IL1RL2: variants seen among roughly 807,000 people sequenced by gnomAD.
The protein encoded by IL1RL2 is interleukin-1 receptor-like 2.
A neutral mutation model predicts 66.8 loss-of-function variants in IL1RL2; 68 were observed. That is an observed-to-expected ratio of 1.02 (90% confidence interval 0.84 to 1.25). IL1RL2 has a LOEUF of 1.25. Ranked by LOEUF, IL1RL2 falls within the 50% of genes most tolerant of loss-of-function variation. IL1RL2 has a pLI of 0.00. For synonymous variants in IL1RL2, 305 were observed against 264.6 expected, an observed-to-expected ratio of 1.15 and a Z score of -1.48; for missense variants, 729 against 709.3, an observed-to-expected ratio of 1.03 and a Z score of -0.32.
chr2:102,223,799 G>T (rs1348053220), intron 8 of IL1RL2, among the ~76,000 whole-genome samples: 1 of 152,168 alleles, frequency 6.6e-6, no homozygotes, highest in African/African-American at 2.4e-5. Flanking sequence ...GTCCCAAAGG[G>T]AGAGGTGGCA....
At chr2:102,235,477 G>A (rs2104900811) in intron 11 of IL1RL2, 200 bp downstream of exon 11, 2 of 985,422 alleles carry the variant, frequency 2.0e-6, no homozygotes, top group Non-Finnish European at 2.4e-6. Flanking sequence ...GGAAACACAC[G>A]GCTTCTGCAG....
At chr2:102,238,007 T>G (rs925336196) in intron 11 of IL1RL2, among the ~76,000 whole-genome samples, 1 of 152,206 alleles carries the variant, frequency 6.6e-6, no homozygotes, top group African/African-American at 2.4e-5. Flanking sequence ...GGAGCCAGTG[T>G]GCCTTCATCA....
At chr2:102,187,348 C>G (rs1686769518) in intron 1 of IL1RL2, 1 of 1,166,152 alleles carries the variant, frequency 8.6e-7, no homozygotes, top group African/African-American at 1.6e-5. Flanking sequence ...GCCAGGTAGG[C>G]CTGCCCTGGC....
intron 10 of IL1RL2, among the ~76,000 whole-genome samples, chr2:102,233,916 T>G (rs946285371): frequency 6.6e-6 from 1 of 152,160 alleles, no homozygotes; most frequent in African/African-American, 2.4e-5. Flanking sequence ...AACAAATATT[T>G]ACTGAAAACC....
At chr2:102,195,630 TC>T (rs1234087265) in intron 4 of IL1RL2, among the ~76,000 whole-genome samples, 36 of 17,564 alleles carry the variant, frequency 2.0e-3, no homozygotes, top group African/African-American at 4.3e-3. Flanking sequence ...TCTTTCTTTC[TC>T]TCTCTCTCTC....
At chr2:102,241,301 T>C (rs1675225176), downstream of IL1RL2, among the ~76,000 whole-genome samples, 1 of 152,172 alleles carries the variant, frequency 6.6e-6, no homozygotes, top group Admixed American at 6.5e-5. Context: ...CTGTTTACTA[T>C]GTGCTCGCAA....
intron 5 of IL1RL2, among the ~76,000 whole-genome samples, chr2:102,209,454 G>A (rs1688972151): frequency 6.6e-6 from 1 of 152,160 alleles, no homozygotes; most frequent in South Asian, 2.1e-4. Flanking sequence ...AGTAAAGGAG[G>A]GTGAGGAGGG....
At chr2:102,206,397 C>A (rs985180435) in intron 5 of IL1RL2, among the ~76,000 whole-genome samples, 1 of 152,120 alleles carries the variant, frequency 6.6e-6, no homozygotes, top group South Asian at 2.1e-4. Context: ...TTGGGAAGGC[C>A]TTCCAAAGGA....
rs1491213599 is a variant in IL1RL2, at chr2:102,200,116, GCA to G, written c.490-1439_490-1438del. On this transcript the variant is annotated intron_variant, in intron 4 of 11. Coordinates refer to ENST00000264257, the MANE Select transcript of IL1RL2 (RefSeq NM_003854.4). ...GCGACAGAGCTAAGACCCTGTTCCA[GCA>G]AAAAAAAAAAAAAAAAAAAAAGTGC... Among the ~76,000 whole-genome samples, 55 of 52,904 alleles carry G rather than the reference GCA, an allele frequency of 1.0e-3. 1 individual carries two copies. The Middle Eastern group carries it at 0.028, about 27-fold the overall frequency. The allele number at this position is 52,904 out of a possible 152,430, so 34.7% of individuals were successfully genotyped here.
rs1020563390 is a variant in IL1RL2 at position 102,188,101 on chromosome 2, C to T, written c.58+176C>T. Among the ~76,000 whole-genome samples, 16 of 152,220 alleles carry T rather than the reference C, an allele frequency of 1.1e-4. 1 individual carries two copies. The highest frequency in any genetic ancestry group is 4.1e-4 in the South Asian group (2 of 4,838). On this transcript the variant is annotated intron_variant, in intron 2 of 11. Coordinates refer to ENST00000264257, the MANE Select transcript of IL1RL2 (RefSeq NM_003854.4). ...AGAACCAGCTCCACGTGCTCGGATG[C>T]TCAGCCCTGAATGTCGCCTTTGAGC...
At chr2:102,198,600 G>A (rs559581009) in intron 4 of IL1RL2, among the ~76,000 whole-genome samples, 2 of 152,122 alleles carry the variant, frequency 1.3e-5, no homozygotes, top group South Asian at 4.1e-4. Context: ...CATCAGCTAG[G>A]AACTCCTTTC....
downstream of IL1RL2, among the ~76,000 whole-genome samples, chr2:102,242,366 A>T (rs1219404243): frequency 6.6e-6 from 1 of 152,218 alleles, no homozygotes; most frequent in African/African-American, 2.4e-5. Context: ...AATCAATATG[A>T]CTTTTATATA....
chr2:102,237,498 C>G lies in IL1RL2; in HGVS notation c.1679-1694C>G, dbSNP rs6543112. ...TCAGAGACCAGCCCAGAGAAGAGAA[C>G]GGCAGCGAGTGAGGGGACAGAGTGC... On this transcript the variant is annotated intron_variant, in intron 11 of 11. Coordinates refer to ENST00000264257, the MANE Select transcript of IL1RL2 (RefSeq NM_003854.4). Among the ~76,000 whole-genome samples, 826 of 152,250 alleles carry G rather than the reference C, an allele frequency of 5.4e-3. 8 individuals carry two copies. The highest frequency in any genetic ancestry group is 0.019 in the African/African-American group (805 of 41,522).
Position 102,212,101 on chromosome 2 carries a change from A to C in IL1RL2, c.651A>C (p.Thr217=). The change falls in exon 6 of 12, where the codon ACA becomes ACC. Residue 217 remains threonine (T), a splice_region_variant and synonymous_variant. Coordinates refer to ENST00000264257, the MANE Select transcript of IL1RL2 (RefSeq NM_003854.4). ...TTTCCTGTGGGTATGATTTCTTAGC[A>C]GAAAGAGCTGGATATGGAGGAAGTG... is the stretch of plus-strand genomic sequence containing the variant. ...EVLNGITVSI[T]ERAGYGGSVP... The C allele has an allele frequency of 2.5e-6, 4 of 1,611,504 alleles. No homozygotes were observed. Among genetic ancestry groups the C allele is most frequent in the Non-Finnish European group, 3.4e-6 (4 of 1,177,696 alleles).
intron 8 of IL1RL2, among the ~76,000 whole-genome samples, chr2:102,221,026 G>C (rs1690078465): frequency 6.6e-6 from 1 of 152,118 alleles, no homozygotes; most frequent in South Asian, 2.1e-4. Flanking sequence ...TGTCGTTCTG[G>C]CCTCAGCTGC....
chr2:102,239,166 A>C, intron 11 of IL1RL2, 26 bp from the exon 12 acceptor site: 1 of 1,610,410 alleles, frequency 6.2e-7, no homozygotes, highest in South Asian at 1.1e-5. Context: ...TCAGAAAAGG[A>C]GTAAATAGAT....
chr2:102,216,444 C>T lies in IL1RL2; in HGVS notation c.725-2509C>T, dbSNP rs1689619462. ...CACTTTTCGTGTATATGTATCCTTA[C>T]TGGACCTACTGTGAGTCAGTGAGTA... On this transcript the variant is annotated intron_variant, in intron 6 of 11. Coordinates refer to ENST00000264257, the MANE Select transcript of IL1RL2 (RefSeq NM_003854.4). Among the ~76,000 whole-genome samples, 3 of 152,086 alleles carry T rather than the reference C, an allele frequency of 2.0e-5. No homozygotes were observed. The South Asian group carries it at 6.2e-4, about 31-fold the overall frequency.
intron 6 of IL1RL2, among the ~76,000 whole-genome samples, chr2:102,213,921 A>G (rs1317138412): frequency 6.6e-6 from 1 of 152,176 alleles, no homozygotes; most frequent in Non-Finnish European, 1.5e-5. Flanking sequence ...AAGTGCAGAG[A>G]CACCCAAATA....
At chr2:102,200,132 A>AG (rs1278896801) in intron 4 of IL1RL2, among the ~76,000 whole-genome samples, 2 of 151,750 alleles carry the variant, frequency 1.3e-5, no homozygotes, top group East Asian at 3.9e-4. Flanking sequence ...AAAAAAAAAA[A>AG]AAAAAAAGTG....
Sources: allele counts gnomAD v4.1 joint callset (sites outside exome capture counted in the v4.1 genomes callset), GRCh38; gene constraint gnomAD v4.1.1; transcripts MANE v1.5; gene names NCBI Gene and HGNC (gene_info 2026-07-23, HGNC 2026-07-21).